The following DNAH9 variants were observed in gnomAD, a reference collection of about 807,000 sequenced individuals.
DNAH9 encodes the protein dynein axonemal heavy chain 9, also known as DNAH9 variant protein.
Under a neutral mutation model 471.6 loss-of-function variants are expected in DNAH9, and 345 were observed. The ratio of observed to expected loss-of-function variants is 0.73; its 90% CI spans 0.67 to 0.80. The LOEUF (loss-of-function observed/expected upper bound fraction) is 0.80, where lower values mean the gene tolerates loss of function less well. Ranked by LOEUF, DNAH9 falls within the 30% of genes least tolerant of loss-of-function variation. The pLI is 0.00. For synonymous variants in DNAH9, 2,093 were observed against 2,123.6 expected, an observed-to-expected ratio of 0.99 and a Z score of 0.40; for missense variants, 5,407 against 5,609.2, an observed-to-expected ratio of 0.96 and a Z score of 1.15.
rs2072976771 is a variant in DNAH9, at chr17:11,626,725, C to T, written c.1351-2692C>T. ...GGGAAGGTTCCCCCTTGCACTTGACCAGGGTCCTATGGACATTGAAATGTC... is the reference window on the plus strand; with the variant it reads ...GGGAAGGTTCCCCCTTGCACTTGACTAGGGTCCTATGGACATTGAAATGTC... On this transcript the variant is annotated intron_variant, in intron 6 of 68. Transcript: ENST00000262442. The surrounding 1 kb of genome is among the most constrained non-coding windows in gnomAD (Gnocchi z 4.3). Among the ~76,000 whole-genome samples, 1 of 152,188 alleles carries T rather than the reference C, an allele frequency of 6.6e-6. No individual in the cohort carries two copies. Among genetic ancestry groups the T allele is most frequent in the African/African-American group, 2.4e-5 (1 of 41,438 alleles).
intron 66 of DNAH9, among the ~76,000 whole-genome samples, chr17:11,940,473 T>A (rs956806530): frequency 3.2e-4 from 48 of 152,302 alleles, no homozygotes; most frequent in Admixed American, 5.9e-4. Flanking sequence ...GAGAAAAATA[T>A]ATATATAATT....
chr17:11,674,637 A>G (rs1231303398), intron 17 of DNAH9, among the ~76,000 whole-genome samples: 1 of 152,004 alleles, frequency 6.6e-6, no homozygotes, highest in Non-Finnish European at 1.5e-5. Flanking sequence ...CCATTTTGTG[A>G]CCTGTCTTTT....
At position 11,871,655 on chromosome 17, in the gene DNAH9, C is replaced by A; in HGVS notation, c.10111C>A (p.Gln3371Lys). 1 of 1,614,220 alleles carries A rather than the reference C, an allele frequency of 6.2e-7. No individual in the cohort carries two copies. The highest frequency in any genetic ancestry group is 8.5e-7 in the Non-Finnish European group (1 of 1,180,038). ...GGCAGATGCCGTGCAGAACTTCAAA[C>A]AGCAGGAAAGGACGTTATGTGGAGA... ...RWADAVQNFK[Q>K]QERTLCGDIL... Residue 3371 changes from glutamine to lysine, a missense_variant, in exon 52 of 69, where the codon CAG (glutamine) becomes AAG (lysine). Around this residue, in one of 3 missense-constraint regions of DNAH9, gnomAD observed 4,636 missense variants for 4,900.3 expected, o/e 0.95. Coordinates refer to ENST00000262442, the MANE Select transcript of DNAH9 (RefSeq NM_001372.4).
chr17:11,707,482 C>G (rs375176140), intron 26 of DNAH9, among the ~76,000 whole-genome samples: 1 of 152,160 alleles, frequency 6.6e-6, no homozygotes, highest in African/African-American at 2.4e-5. Context: ...AATCCCAGCA[C>G]GATTCATAGC....
intron 56 of DNAH9, chr17:11,884,366 C>T (rs555312951): frequency 1.3e-5 from 4 of 315,192 alleles, no homozygotes; most frequent in South Asian, 1.1e-4. Flanking sequence ...AGGGGCCCAA[C>T]CCCTGCTCTG....
At chr17:11,696,467 A>G (rs2074478964) in intron 22 of DNAH9, among the ~76,000 whole-genome samples, 2 of 152,180 alleles carry the variant, frequency 1.3e-5, no homozygotes, top group South Asian at 4.1e-4. Context: ...TAAACTCCTA[A>G]AAGTGAGATT....
intron 60 of DNAH9, among the ~76,000 whole-genome samples, 166 bp downstream of exon 60, chr17:11,903,078 C>T (rs1447632979): frequency 3.9e-5 from 6 of 152,232 alleles, no homozygotes; most frequent in African/African-American, 1.2e-4. Context: ...CGGTGGCTCA[C>T]GCCTGTAATC....
intron 32 of DNAH9, 150 bp downstream of exon 32, chr17:11,747,916 GA>G (rs1966959569): frequency 1.4e-6 from 1 of 706,656 alleles, no homozygotes; most frequent in Non-Finnish European, 2.3e-6. Flanking sequence ...TAGAAAGGGA[GA>G]AACCAATTTT....
chr17:11,962,691 T>C lies in DNAH9; in HGVS notation c.13233+435T>C, dbSNP rs1976321086. On this transcript the variant is annotated intron_variant, in intron 68 of 68. Transcript: ENST00000262442. The surrounding 1 kb of genome is among the most constrained non-coding windows in gnomAD (Gnocchi z 4.1). Reference sequence around the variant, plus strand: ...AGTCAGCTATCTCTGCTGCTGCTGCTGTGTGTCTGTCGCCCAGGCTGGAGT... The same window carrying C: ...AGTCAGCTATCTCTGCTGCTGCTGCCGTGTGTCTGTCGCCCAGGCTGGAGT... Among the ~76,000 whole-genome samples, 1 of 152,114 alleles carries C rather than the reference T, an allele frequency of 6.6e-6. No homozygotes were observed. The highest frequency in any genetic ancestry group is 1.5e-5 in the Non-Finnish European group (1 of 68,022).
intron 28 of DNAH9, among the ~76,000 whole-genome samples, chr17:11,728,538 AAC>A (rs71142238): frequency 0.85 from 113,305 of 132,548 alleles, 48,862 homozygotes; most frequent in Non-Finnish European, 0.94. Context: ...AAAAAAAAAA[AAC>A]AAAAAAAACT....
At chr17:11,747,289 C>T (rs1410755136) in intron 31 of DNAH9, among the ~76,000 whole-genome samples, 2 of 152,146 alleles carry the variant, frequency 1.3e-5, no homozygotes, top group African/African-American at 4.8e-5. Flanking sequence ...TCACAGAGGG[C>T]AGGAGGATCA....
chr17:11,892,053 C>A lies in DNAH9; in HGVS notation c.11283+106C>A. The A allele has an allele frequency of 7.5e-7, 1 of 1,325,134 alleles. No homozygotes were observed. Among genetic ancestry groups the A allele is most frequent in the Admixed American group, 1.8e-5 (1 of 54,196 alleles). 82.1% of individuals were successfully genotyped at this position (1,325,134 alleles called of 1,614,324 possible). A position where few individuals can be genotyped will look rare whatever the true frequency, so the allele number is the denominator to read the frequency against. On this transcript the variant is annotated intron_variant, in intron 58 of 68. Transcript: ENST00000262442. This position sits in a 1 kb window ranked among gnomAD's most constrained non-coding sequence, Gnocchi z 4.3. Reference sequence around the variant, plus strand: ...TGAACATCACTTTCCACAGCATGTCCAGACTATCTGTCTTTGGATAGAGGC... The same window carrying A: ...TGAACATCACTTTCCACAGCATGTCAAGACTATCTGTCTTTGGATAGAGGC...
chr17:11,614,118 A>G (rs2072692861), intron 4 of DNAH9, among the ~76,000 whole-genome samples: 2 of 152,220 alleles, frequency 1.3e-5, no homozygotes, highest in Non-Finnish European at 2.9e-5. Context: ...AAATTTGATT[A>G]GAAGAGTTAG....
At position 11,598,673 on chromosome 17, in the gene DNAH9, T is replaced by C; in HGVS notation, c.175T>C (p.Phe59Leu). 4 of 1,365,254 alleles carry C rather than the reference T, an allele frequency of 2.9e-6. No homozygotes were observed. The highest frequency in any genetic ancestry group is 3.8e-6 in the Non-Finnish European group (4 of 1,065,514). 84.6% of individuals were successfully genotyped at this position (1,365,254 alleles called of 1,614,324 possible). A position where few individuals can be genotyped will look rare whatever the true frequency, so the allele number is the denominator to read the frequency against. Residue 59 changes from phenylalanine to leucine, a missense_variant, in exon 1 of 69, where the codon TTC (phenylalanine) becomes CTC (leucine). By Grantham distance (22) the Phe-to-Leu change is conservative. This residue lies in a region of DNAH9 where 767 missense variants were observed against 692.5 expected (regional missense o/e 1.11). Transcript: ENST00000262442. ...SAEAEQLLQA[F>L]LGRDAAEGPR... ...TGAGGCGGAGCAGCTGCTCCAGGCC[T>C]TCCTGGGCCGCGATGCTGCCGAGGG...
intron 63 of DNAH9, among the ~76,000 whole-genome samples, chr17:11,930,744 G>A (rs557622775): frequency 4.3e-4 from 56 of 131,330 alleles, no homozygotes; most frequent in Non-Finnish European, 6.4e-4. Context: ...CAGCCTGGGC[G>A]ACAGAGTGAG....
rs574730287 is a variant in DNAH9 at position 11,951,782 on chromosome 17, G to T, written c.12843+9297G>T. ...TACTAAATATACAAAACTCAGCCGG[G>T]CTTGGTGGCAGCTGCCTGTAATCCC... On this transcript the variant is annotated intron_variant, in intron 67 of 68. Coordinates refer to ENST00000262442, the MANE Select transcript of DNAH9 (RefSeq NM_001372.4). Among the ~76,000 whole-genome samples the T allele has an allele frequency of 3.3e-5, 5 of 152,104 alleles. No homozygotes were observed. The South Asian group carries it at 8.3e-4, about 25-fold the overall frequency.
chr17:11,890,482 G>A (rs1325841839), intron 57 of DNAH9, among the ~76,000 whole-genome samples: 1 of 134,620 alleles, frequency 7.4e-6, no homozygotes, highest in Non-Finnish European at 1.7e-5. Flanking sequence ...CAAATGAAGA[G>A]ATATTGAGAC....
chr17:11,625,391 T>C (rs1313433770), intron 6 of DNAH9, among the ~76,000 whole-genome samples: 1 of 152,242 alleles, frequency 6.6e-6, no homozygotes, highest in East Asian at 1.9e-4. Flanking sequence ...CCTTTCATTC[T>C]GAGCCGAATT....
chr17:11,859,601 A>C (rs1971767703), intron 50 of DNAH9, among the ~76,000 whole-genome samples: 1 of 152,178 alleles, frequency 6.6e-6, no homozygotes, highest in South Asian at 2.1e-4. Context: ...AAGGAGTTTA[A>C]TCGGCTCACA....
Sources: gnomAD v4.1 joint callset for allele counts (sites outside exome capture counted in the v4.1 genomes callset) on GRCh38, gnomAD v4.1.1 for gene constraint, gnomAD v4.1.1 regional missense constraint, Gnocchi (gnomAD v3.1) non-coding constraint, MANE v1.5 for transcripts, NCBI Gene and HGNC (gene_info 2026-07-23, HGNC 2026-07-21) for gene names.